The following ST6GALNAC3 variants were observed in gnomAD, a reference collection of about 807,000 sequenced individuals.
ST6GALNAC3 encodes the protein ST6 N-acetylgalactosaminide alpha-2,6-sialyltransferase 3, also known as alpha-N-acetylgalactosaminide alpha-2,6-sialyltransferase 3.
ST6GALNAC3 carries 25 observed loss-of-function variants against 32.7 expected under a neutral mutation model. That is an observed-to-expected ratio of 0.76 (90% confidence interval 0.56 to 1.07). The LOEUF is 1.07. Ranked by LOEUF, ST6GALNAC3 falls within the 50% of genes least tolerant of loss-of-function variation. The pLI is 0.00. For missense variants in ST6GALNAC3, 355 were observed against 382.4 expected (o/e 0.93, Z 0.60); for synonymous variants, 129 against 133.1 (o/e 0.97, Z 0.21).
At chr1:76,475,943 T>C (rs1000862618) in intron 3 of ST6GALNAC3, among the ~76,000 whole-genome samples, 2 of 152,196 alleles carry the variant, frequency 1.3e-5, no homozygotes, top group Non-Finnish European at 1.5e-5. Flanking sequence ...GGTGAGAACA[T>C]GCGGTGTTTG....
intron 2 of ST6GALNAC3, among the ~76,000 whole-genome samples, chr1:76,406,052 C>T (rs1408344973): frequency 6.6e-6 from 1 of 151,888 alleles, no homozygotes; most frequent in Non-Finnish European, 1.5e-5. Flanking sequence ...TTGTATGCCT[C>T]TCAAATACTC....
At chr1:76,356,929 A>T (rs11162130) in intron 2 of ST6GALNAC3, among the ~76,000 whole-genome samples, 3 of 152,028 alleles carry the variant, frequency 2.0e-5, no homozygotes, top group Middle Eastern at 3.4e-3. Context: ...GCTAAAGTTG[A>T]TTCAAAGAGG....
At chr1:76,295,091 A>T (rs1383488674) in intron 1 of ST6GALNAC3, among the ~76,000 whole-genome samples, 2 of 148,886 alleles carry the variant, frequency 1.3e-5, no homozygotes. Context: ...ACCAGTGGGC[A>T]TTTTTTTTTT....
chr1:76,074,847 A>G lies in ST6GALNAC3; in HGVS notation c.-20A>G. 1.9e-6 allele frequency: 3 copies of G among 1,586,294 alleles called. No homozygotes were observed. The highest frequency in any genetic ancestry group is 1.7e-6 in the Non-Finnish European group (2 of 1,166,866). ...CCAGGCGCGCCCGCTGCTCGGTGGC[A>G]GGAGGGCCGGCGGAGCGCCATGGCC... On this transcript the variant is annotated 5_prime_UTR_variant, in exon 1 of 5. Coordinates refer to ENST00000328299, the MANE Select transcript of ST6GALNAC3 (RefSeq NM_152996.4).
At chr1:76,184,562 C>CACACAT (rs1553163156) in intron 1 of ST6GALNAC3, among the ~76,000 whole-genome samples, 38 of 148,092 alleles carry the variant, frequency 2.6e-4, no homozygotes, top group Middle Eastern at 3.4e-3. Context: ...CACACACACA[C>CACACAT]GAAACATATG....
At chr1:76,178,158 A>G (rs1652961324) in intron 1 of ST6GALNAC3, among the ~76,000 whole-genome samples, 1 of 152,258 alleles carries the variant, frequency 6.6e-6, no homozygotes, top group Non-Finnish European at 1.5e-5. Context: ...CAAACACAGG[A>G]AGATTAAACA....
At chr1:76,170,346 T>C (rs1430141994) in intron 1 of ST6GALNAC3, among the ~76,000 whole-genome samples, 1 of 152,138 alleles carries the variant, frequency 6.6e-6, no homozygotes, top group East Asian at 1.9e-4. Context: ...ACTATATGTA[T>C]GGTTGTGCTG....
chr1:76,252,727 G>T (rs776471781), intron 1 of ST6GALNAC3, among the ~76,000 whole-genome samples: 4 of 152,144 alleles, frequency 2.6e-5, no homozygotes, highest in Admixed American at 6.6e-5. Context: ...ACACAGCTGA[G>T]AAATGCTGTT....
intron 2 of ST6GALNAC3, among the ~76,000 whole-genome samples, chr1:76,343,859 A>G (rs1420392083): frequency 6.6e-6 from 1 of 152,206 alleles, no homozygotes; most frequent in Middle Eastern, 3.4e-3. Context: ...AAAGAATTAT[A>G]AAAAAAAGTT....
Position 76,255,282 on chromosome 1 carries a change from C to G in ST6GALNAC3, c.19-58523C>G, listed in dbSNP as rs368578443. ...GAGTTGTTTGCGCTTGGGAGGAATA[C>G]AAAGTATTTTCAATACATGGCTAGC... On this transcript the variant is annotated intron_variant, in intron 1 of 4. Coordinates refer to ENST00000328299, the MANE Select transcript of ST6GALNAC3 (RefSeq NM_152996.4). Among the ~76,000 whole-genome samples, 38 of 152,138 alleles carry G rather than the reference C, an allele frequency of 2.5e-4. No individual in the cohort carries two copies. The South Asian group carries it at 4.1e-3, about 17-fold the overall frequency.
chr1:76,617,811 G>A (rs1289304533), intron 3 of ST6GALNAC3, among the ~76,000 whole-genome samples: 1 of 152,166 alleles, frequency 6.6e-6, no homozygotes, highest in East Asian at 1.9e-4. Context: ...TTATTTAAAA[G>A]TTATATAAAC....
intron 1 of ST6GALNAC3, among the ~76,000 whole-genome samples, chr1:76,255,262 G>T (rs1657855344): frequency 6.6e-6 from 1 of 151,992 alleles, no homozygotes; most frequent in Admixed American, 6.6e-5. Context: ...TAACTGAGTT[G>T]TTTGCGCTTG....
At chr1:76,445,918 CT>C (rs1425993507) in intron 3 of ST6GALNAC3, among the ~76,000 whole-genome samples, 1 of 152,170 alleles carries the variant, frequency 6.6e-6, no homozygotes, top group Non-Finnish European at 1.5e-5. Flanking sequence ...TATACATATA[CT>C]TCTGTGCCGT....
chr1:76,207,219 A>C (rs1263665649), intron 1 of ST6GALNAC3, among the ~76,000 whole-genome samples: 1 of 152,200 alleles, frequency 6.6e-6, no homozygotes, highest in Non-Finnish European at 1.5e-5. Context: ...CCAGCCAGCT[A>C]GCAAGTCATT....
At chr1:76,470,709 A>G (rs1465781377) in intron 3 of ST6GALNAC3, among the ~76,000 whole-genome samples, 4 of 152,002 alleles carry the variant, frequency 2.6e-5, no homozygotes, top group Non-Finnish European at 5.9e-5. Flanking sequence ...TGATCTCTTT[A>G]GTCCAAATGA....
chr1:76,556,213 A>AT (rs1400922901), intron 3 of ST6GALNAC3, among the ~76,000 whole-genome samples: 4 of 152,196 alleles, frequency 2.6e-5, no homozygotes, highest in African/African-American at 7.2e-5. Context: ...GTACTTCATG[A>AT]TTTTTATGGC....
chr1:76,138,552 C>T (rs1650090733), intron 1 of ST6GALNAC3, among the ~76,000 whole-genome samples: 1 of 152,222 alleles, frequency 6.6e-6, no homozygotes, highest in Admixed American at 6.5e-5. Context: ...TTCCCATGCT[C>T]TTCCCAGCAC....
intron 1 of ST6GALNAC3, among the ~76,000 whole-genome samples, chr1:76,119,829 G>T (rs57940435): frequency 0.98 from 148,461 of 151,712 alleles, 72,717 homozygotes; most frequent in East Asian, 1. Flanking sequence ...ATAGATAGAT[G>T]TAATCCCTGT....
intron 3 of ST6GALNAC3, among the ~76,000 whole-genome samples, chr1:76,437,582 CT>C (rs11298028): frequency 0.12 from 16,895 of 136,724 alleles, 734 homozygotes; most frequent in African/African-American, 0.21. Flanking sequence ...TTTTTTTTCT[CT>C]TTTTTTTTTT....
Sources: allele counts gnomAD v4.1 joint callset (sites outside exome capture counted in the v4.1 genomes callset), GRCh38; gene constraint gnomAD v4.1.1; transcripts MANE v1.5; gene names NCBI Gene and HGNC (gene_info 2026-07-23, HGNC 2026-07-21).